Variants in TIAM1 observed in about 807,000 individuals in gnomAD.
TIAM1 encodes rho guanine nucleotide exchange factor TIAM1.
Under a neutral mutation model 163.5 loss-of-function variants are expected in TIAM1, and 65 were observed. The ratio of observed to expected loss-of-function variants is 0.40; its 90% CI spans 0.33 to 0.49. TIAM1 has a LOEUF of 0.49. Ranked by LOEUF, TIAM1 falls within the 20% of genes least tolerant of loss-of-function variation. The pLI is 0.77. For synonymous variants in TIAM1, 833 were observed against 810.1 expected (o/e 1.03, Z -0.48); for missense variants, 1,789 against 2,044.7 (o/e 0.87, Z 2.41).
chr21:31,421,275 G>C (rs1353499887), intron 2 of TIAM1, among the ~76,000 whole-genome samples: 2 of 152,154 alleles, frequency 1.3e-5, no homozygotes, highest in Non-Finnish European at 2.9e-5. Context: ...ACTGGACGTT[G>C]CAGCTACAAG....
At chr21:31,331,725 G>A (rs2075684362) in intron 2 of TIAM1, among the ~76,000 whole-genome samples, 1 of 152,152 alleles carries the variant, frequency 6.6e-6, no homozygotes, top group African/African-American at 2.4e-5. Flanking sequence ...CACACCCACT[G>A]CCATTTGTGA....
At chr21:31,474,619 C>T (rs958292058) in intron 1 of TIAM1, among the ~76,000 whole-genome samples, 5 of 150,794 alleles carry the variant, frequency 3.3e-5, no homozygotes, top group African/African-American at 9.8e-5. Flanking sequence ...GATCTCGGCT[C>T]ACCGCAACCT....
intron 12 of TIAM1, among the ~76,000 whole-genome samples, chr21:31,197,649 G>A (rs187681859): frequency 2.0e-5 from 3 of 151,936 alleles, no homozygotes; most frequent in African/African-American, 7.2e-5. Flanking sequence ...GATTACAGGC[G>A]TGAGCCACCG....
chr21:31,281,006 T>G (rs963899427), intron 2 of TIAM1, among the ~76,000 whole-genome samples: 1 of 148,042 alleles, frequency 6.8e-6, no homozygotes, highest in Non-Finnish European at 1.5e-5. Flanking sequence ...TCCCAGCTAC[T>G]TGGGAGGCTG....
intron 1 of TIAM1, among the ~76,000 whole-genome samples, chr21:31,511,905 A>C (rs573433892): frequency 2.0e-4 from 30 of 152,308 alleles, no homozygotes; most frequent in Non-Finnish European, 3.8e-4. Flanking sequence ...GCTGGAAGTG[A>C]CAGGCAGAAA....
At chr21:31,449,365 TTTTG>T (rs2044743288) in intron 2 of TIAM1, among the ~76,000 whole-genome samples, 3 of 151,942 alleles carry the variant, frequency 2.0e-5, no homozygotes, top group African/African-American at 7.2e-5. Context: ...GTTCTTTTTG[TTTTG>T]TTTCTTATTT....
intron 2 of TIAM1, among the ~76,000 whole-genome samples, chr21:31,391,459 T>C (rs1328542862): frequency 6.6e-6 from 1 of 152,100 alleles, no homozygotes; most frequent in African/African-American, 2.4e-5. Flanking sequence ...ACCCCGGCTC[T>C]ACTAAAAATA....
At chr21:31,452,814 G>T in intron 2 of TIAM1, 1 of 531,178 alleles carries the variant, frequency 1.9e-6, no homozygotes. Flanking sequence ...TGAGCAGGAA[G>T]AGGAGCTTGA....
chr21:31,175,039 C>T (rs1464292815), intron 15 of TIAM1, among the ~76,000 whole-genome samples: 1 of 152,178 alleles, frequency 6.6e-6, no homozygotes, highest in Non-Finnish European at 1.5e-5. Flanking sequence ...ACCTTCTGTG[C>T]TCAAGTGATC....
intron 2 of TIAM1, among the ~76,000 whole-genome samples, chr21:31,425,619 C>T (rs1602248309): frequency 1.9e-5 from 2 of 107,064 alleles, no homozygotes; most frequent in Admixed American, 9.0e-5. Context: ...TTTCAATTCC[C>T]TCCCTCCCTC....
chr21:31,480,732 T>C (rs543065480), intron 1 of TIAM1, among the ~76,000 whole-genome samples: 2 of 152,278 alleles, frequency 1.3e-5, no homozygotes, highest in South Asian at 4.1e-4. Flanking sequence ...ACAACATTCA[T>C]TCATTCATTC....
chr21:31,454,568 T>G (rs985292055), intron 2 of TIAM1, among the ~76,000 whole-genome samples: 1 of 152,112 alleles, frequency 6.6e-6, no homozygotes, highest in African/African-American at 2.4e-5. Flanking sequence ...GAAGGGGCCA[T>G]GTGGAACAGC....
At chr21:31,200,437 G>C (rs1205022837) in intron 12 of TIAM1, among the ~76,000 whole-genome samples, 1 of 152,158 alleles carries the variant, frequency 6.6e-6, no homozygotes, top group African/African-American at 2.4e-5. Flanking sequence ...CATAGTAATA[G>C]TAGCAGTGCC....
In TIAM1 at chr21:31,431,634, T is replaced by TG. The variant is rs148113291; in HGVS notation, c.-369+32348dup. On this transcript the variant is annotated intron_variant, in intron 2 of 28. Coordinates refer to the TIAM1 transcript ENST00000286827. ...CACACATCACTTAACAACAGATACA[T>TG]GTTCTGAGAAATGCCGTTAGGCAAT... Among the ~76,000 whole-genome samples, 793 of 152,332 alleles carry TG rather than the reference T, an allele frequency of 5.2e-3. 2 individuals carry two copies. Among genetic ancestry groups the TG allele is most frequent in the African/African-American group, 0.017 (716 of 41,566 alleles).
intron 2 of TIAM1, among the ~76,000 whole-genome samples, chr21:31,359,836 GGAAGGAAGGAAGGAAGGAAGGA>G (rs2076377050): frequency 2.9e-5 from 4 of 136,482 alleles, no homozygotes; most frequent in African/African-American, 8.4e-5. Flanking sequence ...AAGGAAGGAA[GGAAGGAAGGAAGGAAGGAAGGA>G]AGGAAGGGAG....
intron 1 of TIAM1, among the ~76,000 whole-genome samples, chr21:31,529,909 G>C (rs867957841): frequency 2.6e-5 from 4 of 152,158 alleles, no homozygotes; most frequent in Admixed American, 2.0e-4. Context: ...CATCTCCGCG[G>C]AAGTGTCATG....
At chr21:31,430,237 T>TACAC (rs1569324350) in intron 2 of TIAM1, among the ~76,000 whole-genome samples, 18 of 131,684 alleles carry the variant, frequency 1.4e-4, no homozygotes, top group African/African-American at 5.8e-4. Flanking sequence ...TATATATATA[T>TACAC]ATATATATAT....
At chr21:31,446,510 C>G (rs2044629859) in intron 2 of TIAM1, among the ~76,000 whole-genome samples, 1 of 152,180 alleles carries the variant, frequency 6.6e-6, no homozygotes, top group Non-Finnish European at 1.5e-5. Flanking sequence ...ACACACCACA[C>G]TTTCATGGTG....
chr21:31,337,515 G>GTTATTATTA (rs1469371170), intron 2 of TIAM1, among the ~76,000 whole-genome samples: 1 of 99,318 alleles, frequency 1.0e-5, no homozygotes, highest in Admixed American at 9.1e-5. Context: ...TATTATTATT[G>GTTATTATTA]TTGTTATTAT....
Sources: gnomAD v4.1 joint callset for allele counts (sites outside exome capture counted in the v4.1 genomes callset) on GRCh38, gnomAD v4.1.1 for gene constraint, MANE v1.5 for transcripts, NCBI Gene and HGNC (gene_info 2026-07-23, HGNC 2026-07-21) for gene names.